DAB1: variants seen among roughly 807,000 people sequenced by gnomAD.
DAB1 encodes disabled homolog 1.
Under a neutral mutation model 64.6 loss-of-function variants are expected in DAB1, and 15 were observed. That is an observed-to-expected ratio of 0.23 (90% CI 0.16 to 0.36). The LOEUF is 0.36. Among genes scored for constraint, DAB1 ranks in the 10% least tolerant of loss-of-function variants. The pLI, the probability that DAB1 is intolerant of heterozygous loss-of-function variation, is 1.00. For synonymous variants in DAB1, 235 were observed against 251.9 expected (o/e 0.93, Z 0.64); for missense variants, 596 against 706.7 (o/e 0.84, Z 1.78).
chr1:57,897,205 T>C (rs748978874), intron 5 of DAB1, among the ~76,000 whole-genome samples: 2 of 152,210 alleles, frequency 1.3e-5, no homozygotes, highest in Non-Finnish European at 2.9e-5. Flanking sequence ...AAGGATAATA[T>C]ATATTTTCAC....
intron 4 of DAB1, among the ~76,000 whole-genome samples, chr1:58,327,878 T>C (rs1355902413): frequency 6.6e-6 from 1 of 152,166 alleles, no homozygotes; most frequent in Non-Finnish European, 1.5e-5. Flanking sequence ...CCACATTTGT[T>C]AGCTCTCATA....
chr1:57,736,825 C>A (rs1050693155), intron 6 of DAB1, among the ~76,000 whole-genome samples: 2 of 152,130 alleles, frequency 1.3e-5, no homozygotes, highest in Admixed American at 6.5e-5. Context: ...GTGCTTACCT[C>A]GTGCAAACAA....
chr1:58,197,091 C>A (rs1009248607), intron 4 of DAB1, among the ~76,000 whole-genome samples: 1 of 152,192 alleles, frequency 6.6e-6, no homozygotes, highest in Admixed American at 6.5e-5. Context: ...AGAGGAGATG[C>A]TGCTAGATGG....
rs1038347738 is a variant in DAB1, at chr1:58,049,106, A to G, written n.387+101405T>C. 3.0e-5 allele frequency: 24 copies of G among 807,508 alleles called. No homozygotes were observed. In the African/African-American group the frequency reaches 3.5e-4, roughly 12 times the overall value. The allele number at this position is 807,508 out of a possible 1,614,324, so 50.0% of individuals were successfully genotyped here. On this transcript the variant is annotated intron_variant and non_coding_transcript_variant, in intron 5 of 20. Coordinates refer to the DAB1 transcript ENST00000485760. ...CTGCATCCACCTCCTCCACAGTGGC[A>G]TATGTGACAAACCCAAAGCCCCCGG...
chr1:57,170,279 G>T (rs1323886955), intron 2 of DAB1, among the ~76,000 whole-genome samples: 1 of 152,114 alleles, frequency 6.6e-6, no homozygotes, highest in Non-Finnish European at 1.5e-5. Context: ...GATTACAGGT[G>T]TGAGCCACCA....
At chr1:57,956,242 G>A (rs1458666721) in intron 5 of DAB1, among the ~76,000 whole-genome samples, 1 of 152,158 alleles carries the variant, frequency 6.6e-6, no homozygotes, top group Non-Finnish European at 1.5e-5. Flanking sequence ...AATTATAAAG[G>A]TGTAAGCAAG....
intron 2 of DAB1, among the ~76,000 whole-genome samples, chr1:57,277,957 A>G (rs1410801706): frequency 2.0e-5 from 3 of 152,338 alleles, no homozygotes; most frequent in African/African-American, 7.2e-5. Flanking sequence ...GGGAAAGCTG[A>G]AAGACTCAAG....
intron 7 of DAB1, among the ~76,000 whole-genome samples, chr1:57,645,457 C>A (rs1204365849): frequency 1.3e-5 from 2 of 152,114 alleles, no homozygotes; most frequent in Non-Finnish European, 2.9e-5. Context: ...TTTTATAAGA[C>A]CAGCTATAGA....
intron 11 of DAB1, among the ~76,000 whole-genome samples, chr1:57,018,997 C>A (rs1408799975): frequency 6.6e-6 from 1 of 152,172 alleles, no homozygotes; most frequent in African/African-American, 2.4e-5. Flanking sequence ...TTCACTATCA[C>A]CTCTGTTGGA....
chr1:57,949,403 T>C (rs1324741861), intron 5 of DAB1, among the ~76,000 whole-genome samples: 1 of 152,082 alleles, frequency 6.6e-6, no homozygotes, highest in East Asian at 1.9e-4. Flanking sequence ...TAACAGGCCA[T>C]AGACCAGTAC....
intron 2 of DAB1, among the ~76,000 whole-genome samples, chr1:57,180,442 T>C (rs72917110): frequency 0.01 from 1,581 of 152,336 alleles, 28 homozygotes; most frequent in African/African-American, 0.036. Context: ...CCAGGACTTT[T>C]TGCTTTTCTG....
chr1:57,045,142 AAAGGTAT>A (rs1648299544), intron 9 of DAB1, among the ~76,000 whole-genome samples: 1 of 152,194 alleles, frequency 6.6e-6, no homozygotes, highest in African/African-American at 2.4e-5. Flanking sequence ...GAGGAGAACA[AAAGGTAT>A]AAGACGACCT....
At chr1:58,087,229 T>C (rs1360184053) in intron 5 of DAB1, among the ~76,000 whole-genome samples, 1 of 152,164 alleles carries the variant, frequency 6.6e-6, no homozygotes, top group East Asian at 1.9e-4. Context: ...GCAGCTATTA[T>C]TGCATCCCCA....
intron 5 of DAB1, among the ~76,000 whole-genome samples, chr1:58,102,148 C>T (rs917900605): frequency 4.1e-4 from 63 of 152,180 alleles, no homozygotes; most frequent in African/African-American, 1.4e-3. Flanking sequence ...AAGGCTACAC[C>T]GATAGTCAGG....
intron 9 of DAB1, among the ~76,000 whole-genome samples, chr1:57,053,411 CTAAT>C (rs1260228979): frequency 1.3e-5 from 2 of 151,796 alleles, no homozygotes; most frequent in East Asian, 1.9e-4. Flanking sequence ...CCATGCCCGG[CTAAT>C]TGTTTTATTT....
intron 3 of DAB1, among the ~76,000 whole-genome samples, chr1:58,347,513 T>C (rs1311222999): frequency 2.6e-5 from 4 of 152,196 alleles, no homozygotes; most frequent in Non-Finnish European, 5.9e-5. Context: ...CTGAGCCACC[T>C]GGGAAAGACA....
chr1:58,537,661 C>T (rs187774074), intron 1 of DAB1, among the ~76,000 whole-genome samples: 7 of 152,280 alleles, frequency 4.6e-5, no homozygotes, highest in Non-Finnish European at 7.4e-5. Flanking sequence ...ACCATATATA[C>T]ATCATTCTCT....
intron 3 of DAB1, among the ~76,000 whole-genome samples, chr1:57,139,877 C>T (rs1178387653): frequency 6.6e-6 from 1 of 152,106 alleles, no homozygotes; most frequent in Non-Finnish European, 1.5e-5. Flanking sequence ...CTTGGGGCTG[C>T]TGATGGTGAC....
At chr1:58,033,874 C>T (rs12135022) in intron 5 of DAB1, among the ~76,000 whole-genome samples, 2,382 of 152,184 alleles carry the variant, frequency 0.016, 28 homozygotes, top group South Asian at 0.036. Flanking sequence ...GACACATAGC[C>T]ACCCTGATTA....
Sources: gnomAD v4.1 joint callset for allele counts (sites outside exome capture counted in the v4.1 genomes callset) on GRCh38, gnomAD v4.1.1 for gene constraint, MANE v1.5 for transcripts, NCBI Gene and HGNC (gene_info 2026-07-23, HGNC 2026-07-21) for gene names.